COL1A1: variants seen among roughly 807,000 people sequenced by gnomAD.
The protein encoded by COL1A1 is collagen alpha-1(I) chain.
COL1A1 carries 21 observed loss-of-function variants against 195.7 expected under a neutral mutation model. The observed-to-expected ratio is 0.11, with a 90% CI of 0.08 to 0.15. The LOEUF is 0.15. Ranked by LOEUF, COL1A1 falls within the 10% of genes least tolerant of loss-of-function variation. The pLI is 1.00. For synonymous variants in COL1A1, 749 were observed against 747.3 expected (o/e 1.00, Z -0.04); for missense variants, 1,365 against 2,051.0 (o/e 0.67, Z 6.46).
chr17:50,184,346 G>C lies in COL1A1; in HGVS notation c.*1156C>G, dbSNP rs1906266375. 1 of 231,940 alleles carries C rather than the reference G, an allele frequency of 4.3e-6. No homozygotes were observed. The highest frequency in any genetic ancestry group is 6.1e-5 in the East Asian group (1 of 16,400). 14.4% of individuals were successfully genotyped at this position (231,940 alleles called of 1,614,324 possible). On this transcript the variant is annotated 3_prime_UTR_variant, in exon 51 of 51. Coordinates refer to ENST00000225964, the MANE Select transcript of COL1A1 (RefSeq NM_000088.4). The stretch of plus-strand genomic sequence containing the variant: ...GGTTTCAGAGGAGAGAGGTCGGAGA[G>C]CAGAGGCCTGAGAAGCCAGAGGCAG...
Position 50,188,457 on chromosome 17 carries a change from C to A in COL1A1, c.3207+73G>T. On this transcript the variant is annotated intron_variant, in intron 43 of 50. Coordinates refer to ENST00000225964, the MANE Select transcript of COL1A1 (RefSeq NM_000088.4). The surrounding 1 kb of genome is among the most constrained non-coding windows in gnomAD (Gnocchi z 5.6). ...TGCCTGGGTGAAGTCCGACACCCAT[C>A]CCCAGGCCTCTAAGGAGGCCTGAAG... The A allele has an allele frequency of 7.0e-7, 1 of 1,426,886 alleles. No individual in the cohort carries two copies. The highest frequency in any genetic ancestry group is 1.7e-5 in the Admixed American group (1 of 59,580). 88.4% of individuals were successfully genotyped at this position (1,426,886 alleles called of 1,614,324 possible).
Position 50,192,679 on chromosome 17 carries a change from C to G in COL1A1, c.1890G>C (p.Glu630Asp), listed in dbSNP as rs1907197945. Residue 630 changes from glutamate (E) to aspartate (D), a missense_variant, in exon 28 of 51, where the codon GAG (glutamate) becomes GAC (aspartate). This residue lies in a region of COL1A1 where 671 missense variants were observed against 1,099.9 expected (regional missense o/e 0.61). Transcript: ENST00000225964. ...AGCCAGCAGGGCCTTGTTCACCTCT[C>G]TCGCCAGCGGGACCCTGCACAGAGA... ...GPPGPAGPAG[E>D]RGEQGPAGSP... 6.2e-7 allele frequency: 1 copy of G among 1,614,236 alleles called. No individual in the cohort carries two copies. Among genetic ancestry groups the G allele is most frequent in the Non-Finnish European group, 8.5e-7 (1 of 1,180,036 alleles).
At chr17:50,197,536 G>C (rs577044395) in intron 9 of COL1A1, among the ~76,000 whole-genome samples, 196 bp downstream of exon 9, 1 of 152,334 alleles carries the variant, frequency 6.6e-6, no homozygotes, top group Non-Finnish European at 1.5e-5. Context: ...GGGGTGAGGA[G>C]AACAGTCACT....
intron 1 of COL1A1, 119 bp from the exon 2 acceptor site, chr17:50,200,066 T>C (rs1212653963): frequency 2.6e-6 from 3 of 1,140,070 alleles, no homozygotes; most frequent in Non-Finnish European, 4.0e-6. Flanking sequence ...CCCCCCGTTC[T>C]TCTTTCCTCA....
Position 50,201,416 on chromosome 17 carries a change from T to C in COL1A1, c.98A>G (p.Glu33Gly), listed in dbSNP as rs1908084003. Reference sequence around the variant, plus strand: ...CCCAAAAGTTTGGGACTTACTGTCTTCGTCTTGGCCCTCGACTTGGCCTTC... The same window carrying C: ...CCCAAAAGTTTGGGACTTACTGTCTCCGTCTTGGCCCTCGACTTGGCCTTC... ...QEEGQVEGQDEDIPPITCVQN... is the reference protein window; with the variant it reads ...QEEGQVEGQDGDIPPITCVQN... Residue 33 changes from glutamate (E) to glycine (G), a missense_variant, in exon 1 of 51, where the codon GAA becomes GGA. This residue lies in a region of COL1A1 where 194 missense variants were observed against 221.7 expected (regional missense o/e 0.88). Transcript: ENST00000225964. 1 of 1,613,732 alleles carries C rather than the reference T, an allele frequency of 6.2e-7. No individual in the cohort carries two copies. Among genetic ancestry groups the C allele is most frequent in the Non-Finnish European group, 8.5e-7 (1 of 1,180,032 alleles).
intron 7 of COL1A1, 49 bp from the exon 8 acceptor site, chr17:50,198,051 T>G (rs751400646): frequency 6.2e-7 from 1 of 1,609,136 alleles, no homozygotes; most frequent in South Asian, 1.1e-5. Context: ...CCTGTCAACC[T>G]TCTCCAATCT....
At chr17:50,196,720 A>G in intron 11 of COL1A1, 50 bp from the exon 12 acceptor site, 1 of 1,586,716 alleles carries the variant, frequency 6.3e-7, no homozygotes, top group African/African-American at 1.3e-5. Context: ...GGGGTGGAAC[A>G]GCCTTGACAT....
chr17:50,185,733 A>T, intron 50 of COL1A1, 45 bp downstream of exon 50: 1 of 1,612,164 alleles, frequency 6.2e-7, no homozygotes, highest in East Asian at 2.2e-5. Flanking sequence ...CAAAAAGCCC[A>T]AGGCCGGAGA....
In COL1A1 at chr17:50,201,418, G is replaced by C. The variant is rs1293214060; in HGVS notation, c.96C>G (p.Asp32Glu). The change falls in exon 1 of 51, where the codon GAC becomes GAG. Residue 32 changes from aspartate (D) to glutamate (E), a missense_variant. Transcript: ENST00000225964. ...GQEEGQVEGQ[D>E]EDIPPITCVQ... ...CAAAAGTTTGGGACTTACTGTCTTC[G>C]TCTTGGCCCTCGACTTGGCCTTCCT... 9 of 1,613,728 alleles carry C rather than the reference G, an allele frequency of 5.6e-6. No individual in the cohort carries two copies. The highest frequency in any genetic ancestry group is 7.6e-6 in the Non-Finnish European group (9 of 1,180,048).
chr17:50,198,906 T>C (rs1437572284), intron 5 of COL1A1, among the ~76,000 whole-genome samples: 1 of 152,142 alleles, frequency 6.6e-6, no homozygotes, highest in Non-Finnish European at 1.5e-5. Flanking sequence ...GACTGCACAT[T>C]AGAGAGTGAA....
chr17:50,190,585 A>T lies in COL1A1; in HGVS notation c.2355T>A (p.Gly785=), dbSNP rs137937544. The T allele has an allele frequency of 1.1e-4, 184 of 1,613,148 alleles. No homozygotes were observed. Among genetic ancestry groups the T allele is most frequent in the Non-Finnish European group, 1.5e-4 (176 of 1,179,526 alleles). The change falls in exon 34 of 51, where the codon GGT becomes GGA. Residue 785 remains glycine (G), a synonymous_variant. Transcript: ENST00000225964. This position sits in a 1 kb window ranked among gnomAD's most constrained non-coding sequence, Gnocchi z 4.7. ...CAGTGGGACCAGCAGGGCCGCTGGGACCACTTTCACCCTGAGAGCAAGGGA... is the reference window on the plus strand; with the variant it reads ...CAGTGGGACCAGCAGGGCCGCTGGGTCCACTTTCACCCTGAGAGCAAGGGA... The part of the protein sequence containing the change: ...AGAPGDKGES[G]PSGPAGPTGA...
At position 50,199,255 on chromosome 17, in the gene COL1A1, C is replaced by T; in HGVS notation, c.442G>A (p.Gly148Arg). 3 of 1,481,128 alleles carry T rather than the reference C, an allele frequency of 2.0e-6. No individual in the cohort carries two copies. Among genetic ancestry groups the T allele is most frequent in the Non-Finnish European group, 2.7e-6 (3 of 1,108,554 alleles). 91.7% of individuals were successfully genotyped at this position (1,481,128 alleles called of 1,614,324 possible). A position where few individuals can be genotyped will look rare whatever the true frequency, so the allele number is the denominator to read the frequency against. The change falls in exon 5 of 51, where the codon GGA (glycine) becomes AGA (arginine). Residue 148 changes from glycine to arginine, a missense_variant. Around this residue, in one of 5 missense-constraint regions of COL1A1, gnomAD observed 194 missense variants for 221.7 expected, o/e 0.88. Transcript: ENST00000225964. ...PGLPGPPGPP[G>R]PPGPPGLGGN... ...CCGAGGCCAGGGGGTCCGGGAGGTC[C>T]GGGGGGTCCGGGGGGTCCGGGAAGT... is the stretch of plus-strand genomic sequence containing the variant.
rs1907533793 is a variant in COL1A1 at position 50,195,841 on chromosome 17, G to C, written c.1056+82C>G. 7 of 1,501,912 alleles carry C rather than the reference G, an allele frequency of 4.7e-6. No individual in the cohort carries two copies. The highest frequency in any genetic ancestry group is 6.4e-6 in the Non-Finnish European group (7 of 1,101,748). The allele number at this position is 1,501,912 out of a possible 1,614,324, so 93.0% of individuals were successfully genotyped here. On this transcript the variant is annotated intron_variant, in intron 16 of 50. Transcript: ENST00000225964. This position sits in a 1 kb window ranked among gnomAD's most constrained non-coding sequence, Gnocchi z 4.3. ...AACGGGCTGCTCTCTTGCCACTCTG[G>C]GTCCCTTTGGTTTGGGGAACAGGGA...
chr17:50,197,273 C>T, intron 9 of COL1A1, 40 bp from the exon 10 acceptor site: 1 of 1,605,068 alleles, frequency 6.2e-7, no homozygotes, highest in Non-Finnish European at 8.5e-7. Flanking sequence ...TCTGCCTCCC[C>T]ACCACCGCCT....
At position 50,201,570 on chromosome 17, in the gene COL1A1, C is replaced by T. The variant is rs2734278; in HGVS notation, c.-57G>A. ...GCTGGGGAGGGGGTTAGCGTCCGCT[C>T]ATGCGTGGCCTCACACTCCGCGTGC... On this transcript the variant is annotated 5_prime_UTR_variant, in exon 1 of 51. An upstream start codon of the reference 5' UTR is lost. Transcript: ENST00000225964. 3.8e-3 allele frequency: 5,596 copies of T among 1,491,198 alleles called. 18 individuals are homozygous for T. The highest frequency in any genetic ancestry group is 4.6e-3 in the Non-Finnish European group (5,059 of 1,100,054). The allele number at this position is 1,491,198 out of a possible 1,614,324, so 92.4% of individuals were successfully genotyped here. A position where few individuals can be genotyped will look rare whatever the true frequency, so the allele number is the denominator to read the frequency against.
chr17:50,190,468 C>T lies in COL1A1; in HGVS notation c.2397+75G>A. On this transcript the variant is annotated intron_variant, in intron 34 of 50. Coordinates refer to ENST00000225964, the MANE Select transcript of COL1A1 (RefSeq NM_000088.4). This position sits in a 1 kb window ranked among gnomAD's most constrained non-coding sequence, Gnocchi z 4.7. ...AGGGGAGAGGCAAGGGGTGAAGGCA[C>T]AGACAGGGCCAGGGGTGCTGTGTGA... 2 of 1,595,736 alleles carry T rather than the reference C, an allele frequency of 1.3e-6. No homozygotes were observed. Among genetic ancestry groups the T allele is most frequent in the Admixed American group, 3.3e-5 (2 of 59,978 alleles).
intron 5 of COL1A1, chr17:50,198,724 A>C (rs1016583995): frequency 1.0e-5 from 6 of 576,870 alleles, no homozygotes; most frequent in Non-Finnish European, 1.6e-5. Flanking sequence ...ACTCATCAAA[A>C]CTCCCAGTGC....
At position 50,196,178 on chromosome 17, in the gene COL1A1, C is replaced by A. The variant is rs769106952; in HGVS notation, c.979G>T (p.Ala327Ser). ...ACAGGGGGCCCGGCAGCACCAGTAG[C>A]ACCATCATTTCCACGAGCACCCTGC... is the stretch of plus-strand genomic sequence containing the variant. The part of the protein sequence containing the change: ...GPAGARGNDG[A>S]TGAAGPPGPT... The change falls in exon 15 of 51, where the codon GCT becomes TCT. Residue 327 changes from alanine to serine, a missense_variant. This residue lies in a region of COL1A1 where 226 missense variants were observed against 372.9 expected (regional missense o/e 0.61). Transcript: ENST00000225964. The A allele has an allele frequency of 1.8e-5, 29 of 1,613,978 alleles. No individual in the cohort carries two copies. The highest frequency in any genetic ancestry group is 2.5e-5 in the Non-Finnish European group (29 of 1,179,994).
intron 7 of COL1A1, 41 bp downstream of exon 7, chr17:50,198,120 C>T: frequency 6.2e-7 from 1 of 1,613,328 alleles, no homozygotes; most frequent in Non-Finnish European, 8.5e-7. Flanking sequence ...TCCAAAAGAC[C>T]AAAGCCCAAG....
Sources: gnomAD v4.1 joint callset for allele counts (sites outside exome capture counted in the v4.1 genomes callset) on GRCh38, gnomAD v4.1.1 for gene constraint, gnomAD v4.1.1 regional missense constraint, Gnocchi (gnomAD v3.1) non-coding constraint, MANE v1.5 for transcripts, NCBI Gene and HGNC (gene_info 2026-07-23, HGNC 2026-07-21) for gene names.